The following MSRA variants were observed in gnomAD, a reference collection of about 807,000 sequenced individuals.
MSRA encodes methionine sulfoxide reductase A.
MSRA carries 54 observed loss-of-function variants against 31.3 expected under a neutral mutation model. The ratio of observed to expected loss-of-function variants is 1.73; its 90% CI spans 1.39 to 2.17. MSRA has a LOEUF of 2.17. MSRA is among the 30% of genes most tolerant of loss of function. The pLI, the probability that MSRA is intolerant of heterozygous loss-of-function variation, is 0.00. For synonymous variants in MSRA, 169 were observed against 116.5 expected, an observed-to-expected ratio of 1.45 and a Z score of -2.90; for missense variants, 507 against 300.9, an observed-to-expected ratio of 1.69 and a Z score of -5.07.
intron 5 of MSRA, among the ~76,000 whole-genome samples, chr8:10,328,638 A>T (rs2129142722): frequency 6.6e-6 from 1 of 152,310 alleles, no homozygotes; most frequent in Non-Finnish European, 1.5e-5. Context: ...ATGGTCTACC[A>T]GGTCCTTCAA....
intron 2 of MSRA, among the ~76,000 whole-genome samples, chr8:10,230,896 T>G (rs1348991185): frequency 6.6e-6 from 1 of 152,206 alleles, no homozygotes; most frequent in Non-Finnish European, 1.5e-5. Context: ...GCATTTCTCC[T>G]GCCTCAGCCT....
chr8:10,181,166 A>T (rs1364520967), intron 1 of MSRA, among the ~76,000 whole-genome samples: 1 of 152,228 alleles, frequency 6.6e-6, no homozygotes, highest in Non-Finnish European at 1.5e-5. Flanking sequence ...AAGCAGATAT[A>T]TTATAATTTC....
chr8:10,128,353 TG>T (rs1801650331), intron 1 of MSRA, among the ~76,000 whole-genome samples: 1 of 151,656 alleles, frequency 6.6e-6, no homozygotes, highest in Non-Finnish European at 1.5e-5. Context: ...CACTCCAGCC[TG>T]GGCGACAAAA....
intron 5 of MSRA, among the ~76,000 whole-genome samples, chr8:10,330,534 G>A (rs970737852): frequency 1.3e-5 from 2 of 152,146 alleles, no homozygotes; most frequent in Non-Finnish European, 2.9e-5. Flanking sequence ...ATTATGTACA[G>A]ATTCATTGCC....
At chr8:10,409,545 C>T (rs1167569147) in intron 5 of MSRA, among the ~76,000 whole-genome samples, 1 of 152,214 alleles carries the variant, frequency 6.6e-6, no homozygotes, top group Admixed American at 6.5e-5. Flanking sequence ...AAGCACCCTT[C>T]TTACCAAATG....
chr8:10,137,635 C>T (rs551991207), intron 1 of MSRA, among the ~76,000 whole-genome samples: 1 of 152,290 alleles, frequency 6.6e-6, no homozygotes, highest in African/African-American at 2.4e-5. Flanking sequence ...GGTTTTCAAA[C>T]TTGTCTAAAG....
intron 2 of MSRA, among the ~76,000 whole-genome samples, chr8:10,236,402 T>G (rs1811942805): frequency 6.6e-6 from 1 of 152,200 alleles, no homozygotes; most frequent in Admixed American, 6.5e-5. Context: ...TCTCTACTCT[T>G]TCTGGCTGTA....
At chr8:10,271,579 C>T (rs1300395870) in intron 3 of MSRA, among the ~76,000 whole-genome samples, 1 of 14,330 alleles carries the variant, frequency 7.0e-5, no homozygotes, top group Non-Finnish European at 1.8e-4. Context: ...CCCGTAAATT[C>T]AATTAAAAAT....
chr8:10,293,012 T>C (rs1314968788), intron 3 of MSRA, among the ~76,000 whole-genome samples: 3 of 152,130 alleles, frequency 2.0e-5, no homozygotes, highest in African/African-American at 7.2e-5. Context: ...GAGGAGGGCT[T>C]GTTGGCCTCT....
rs146463841 is a variant in MSRA, at chr8:10,113,469, A to T, written c.142+58811A>T. 3.0e-3 allele frequency among the ~76,000 whole-genome samples: 455 copies of T among 150,958 alleles called. 2 individuals carry two copies. Among genetic ancestry groups the T allele is most frequent in the African/African-American group, 0.011 (440 of 41,212 alleles). ...TTACCTGTAATGGGAGGGTAGGAGG[A>T]GGGGATTGTGCAGAACTGACGTTCA... On this transcript the variant is annotated intron_variant, in intron 1 of 5. Coordinates refer to ENST00000317173, the MANE Select transcript of MSRA (RefSeq NM_012331.5).
intron 1 of MSRA, among the ~76,000 whole-genome samples, chr8:10,205,860 C>T (rs1284280133): frequency 6.6e-6 from 1 of 152,156 alleles, no homozygotes; most frequent in Non-Finnish European, 1.5e-5. Flanking sequence ...CAAATATTTT[C>T]CCACATTTCT....
intron 1 of MSRA, among the ~76,000 whole-genome samples, chr8:10,130,491 G>C (rs932848073): frequency 1.3e-5 from 2 of 152,160 alleles, no homozygotes; most frequent in African/African-American, 2.4e-5. Flanking sequence ...GATGAAATAA[G>C]AGTTGTTGCT....
At chr8:10,269,209 TTG>T (rs1798902116) in intron 3 of MSRA, among the ~76,000 whole-genome samples, 3 of 152,358 alleles carry the variant, frequency 2.0e-5, no homozygotes, top group Non-Finnish European at 1.5e-5. Context: ...GCTCCAACAA[TTG>T]TGTTCAAAGA....
At chr8:10,190,118 A>C (rs1206402426) in intron 1 of MSRA, among the ~76,000 whole-genome samples, 1 of 152,178 alleles carries the variant, frequency 6.6e-6, no homozygotes, top group East Asian at 1.9e-4. Context: ...TAATGTGAGC[A>C]CGACATTAAG....
intron 3 of MSRA, among the ~76,000 whole-genome samples, chr8:10,251,305 T>G (rs1797905157): frequency 6.6e-6 from 1 of 152,070 alleles, no homozygotes; most frequent in Non-Finnish European, 1.5e-5. Flanking sequence ...TTCTTCAGAG[T>G]AGGGATGAGT....
chr8:10,350,017 G>C (rs370339300), intron 5 of MSRA, among the ~76,000 whole-genome samples: 2 of 152,360 alleles, frequency 1.3e-5, no homozygotes, highest in African/African-American at 4.8e-5. Context: ...AGGCCTCCCT[G>C]AGTAGAAATG....
chr8:10,376,128 A>G (rs1053254852), intron 5 of MSRA, among the ~76,000 whole-genome samples: 1 of 152,094 alleles, frequency 6.6e-6, no homozygotes, highest in South Asian at 2.1e-4. Flanking sequence ...CACATTTCTG[A>G]CAATCTGAGC....
At chr8:10,261,005 G>A (rs1585302394) in intron 3 of MSRA, among the ~76,000 whole-genome samples, 1 of 152,268 alleles carries the variant, frequency 6.6e-6, no homozygotes, top group East Asian at 1.9e-4. Flanking sequence ...CTTGTAAAAT[G>A]TTGTTCAGCT....
intron 3 of MSRA, among the ~76,000 whole-genome samples, chr8:10,261,888 G>T (rs542730135): frequency 6.6e-6 from 1 of 152,128 alleles, no homozygotes; most frequent in Non-Finnish European, 1.5e-5. Flanking sequence ...CAAACCCCTG[G>T]CAATCACTAG....
Sources: gnomAD v4.1 joint callset for allele counts (sites outside exome capture counted in the v4.1 genomes callset) on GRCh38, gnomAD v4.1.1 for gene constraint, MANE v1.5 for transcripts, NCBI Gene and HGNC (gene_info 2026-07-23, HGNC 2026-07-21) for gene names.